The following DERA variants were observed in gnomAD, a reference collection of about 807,000 sequenced individuals.
DERA encodes the protein 2-deoxy-D-ribose 5-phosphate aldolase.
DERA carries 15 observed loss-of-function variants against 41.1 expected under a neutral mutation model. That is an observed-to-expected ratio of 0.37 (90% CI 0.24 to 0.56). The LOEUF is 0.56. Among genes scored for constraint, DERA ranks in the 20% least tolerant of loss-of-function variants. The pLI is 0.81. For missense variants in DERA, 396 were observed against 403.4 expected (o/e 0.98, Z 0.16); for synonymous variants, 139 against 137.4 (o/e 1.01, Z -0.08).
chr12:15,932,552 G>A (rs1441884118), intron 1 of DERA, among the ~76,000 whole-genome samples: 2 of 151,976 alleles, frequency 1.3e-5, no homozygotes, highest in African/African-American at 2.4e-5. Context: ...TGAGGTGGGA[G>A]GATTGCTTGA....
In DERA at chr12:16,001,809, A is replaced by G. The variant is rs1354824865; in HGVS notation, c.637+19373A>G. Among the ~76,000 whole-genome samples, 4 of 152,218 alleles carry G rather than the reference A, an allele frequency of 2.6e-5. No individual in the cohort carries two copies. The highest frequency in any genetic ancestry group is 5.9e-5 in the Non-Finnish European group (4 of 68,044). Reference sequence around the variant, plus strand: ...TCCCTGAGTCAGAAGTGGCAGGCACACTAGACGAAGCAGCATTTTGCTGGA... The same window carrying G: ...TCCCTGAGTCAGAAGTGGCAGGCACGCTAGACGAAGCAGCATTTTGCTGGA... On this transcript the variant is annotated intron_variant, in intron 6 of 8. Coordinates refer to ENST00000428559, the MANE Select transcript of DERA (RefSeq NM_015954.4). This position sits in a 1 kb window ranked among gnomAD's most constrained non-coding sequence, Gnocchi z 4.1.
intron 5 of DERA, among the ~76,000 whole-genome samples, chr12:15,973,428 A>ATAAAAGCCTACCAAATTATTATTTTTC (rs1948677122): frequency 6.6e-6 from 1 of 151,670 alleles, no homozygotes; most frequent in South Asian, 2.1e-4. Flanking sequence ...GGCATCTTTG[A>ATAAAAGCCTACCAAATTATTATTTTTC]TAATATATGG....
In DERA at chr12:15,957,135, A is replaced by G; in HGVS notation, c.129+102A>G. 1 of 839,892 alleles carries G rather than the reference A, an allele frequency of 1.2e-6. No individual in the cohort carries two copies. The highest frequency in any genetic ancestry group is 2.6e-5 in the East Asian group (1 of 37,736). 52.0% of individuals were successfully genotyped at this position (839,892 alleles called of 1,614,324 possible). A position where few individuals can be genotyped will look rare whatever the true frequency, so the allele number is the denominator to read the frequency against. On this transcript the variant is annotated intron_variant, in intron 2 of 8. Coordinates refer to ENST00000428559, the MANE Select transcript of DERA (RefSeq NM_015954.4). The surrounding 1 kb of genome is among the most constrained non-coding windows in gnomAD (Gnocchi z 4.8). ...TTTCACTCAAGATGCATCTAAACTT[A>G]AAAGATTGCAGCTGTCCATGACTTA...
Position 15,959,913 on chromosome 12 carries a change from C to T in DERA, c.362C>T (p.Pro121Leu). 6.5e-7 allele frequency: 1 copy of T among 1,545,532 alleles called. No homozygotes were observed. The highest frequency in any genetic ancestry group is 8.8e-7 in the Non-Finnish European group (1 of 1,142,102). ...CTCAAGGCTGCAGGCTGTAATATCC[C>T]TGTGGCATCAGGTAAAATGTGTTGT... ...KALKAAGCNI[P>L]VASVAAGFPA... The change falls in exon 4 of 9, where the codon CCT (proline) becomes CTT (leucine). Residue 121 changes from proline to leucine, a missense_variant. Pro to Leu is a moderately conservative substitution (Grantham distance 98). Coordinates refer to ENST00000428559, the MANE Select transcript of DERA (RefSeq NM_015954.4). The surrounding 1 kb of genome is among the most constrained non-coding windows in gnomAD (Gnocchi z 4.5).
At position 15,988,996 on chromosome 12, in the gene DERA, G is replaced by A. The variant is rs529054876; in HGVS notation, c.637+6560G>A. ...CCAGGCTCAGCCACAGCTTTGCTCC[G>A]CAGTGGAGAAGGCTCCAGGAGTAGG... On this transcript the variant is annotated intron_variant, in intron 6 of 8. Coordinates refer to ENST00000428559, the MANE Select transcript of DERA (RefSeq NM_015954.4). This position sits in a 1 kb window ranked among gnomAD's most constrained non-coding sequence, Gnocchi z 6.0. Among the ~76,000 whole-genome samples the A allele has an allele frequency of 1.3e-5, 2 of 152,244 alleles. No individual in the cohort carries two copies. The highest frequency in any genetic ancestry group is 2.4e-5 in the African/African-American group (1 of 41,462).
At chr12:16,033,623 G>GTGTGTT (rs745653737) in intron 7 of DERA, among the ~76,000 whole-genome samples, 2 of 149,284 alleles carry the variant, frequency 1.3e-5, no homozygotes, top group Non-Finnish European at 3.0e-5. Flanking sequence ...GTGTGTGTGT[G>GTGTGTT]TTTAATGACA....
intron 1 of DERA, among the ~76,000 whole-genome samples, chr12:15,944,477 C>G (rs978534397): frequency 3.9e-5 from 6 of 152,100 alleles, no homozygotes; most frequent in African/African-American, 1.4e-4. Context: ...CTCTGATGGC[C>G]AGTGATGATG....
In DERA at chr12:15,989,233, C is replaced by G. The variant is rs940495845; in HGVS notation, c.637+6797C>G. The stretch of plus-strand genomic sequence containing the variant: ...CACCAGCTCCACGGAGTGTGCAGCC[C>G]TAGCCACGCCTCCCCCGCTGCAACT... On this transcript the variant is annotated intron_variant, in intron 6 of 8. Transcript: ENST00000428559. This position sits in a 1 kb window ranked among gnomAD's most constrained non-coding sequence, Gnocchi z 5.2. Among the ~76,000 whole-genome samples the G allele has an allele frequency of 1.3e-5, 2 of 152,230 alleles. No individual in the cohort carries two copies. The highest frequency in any genetic ancestry group is 4.8e-5 in the African/African-American group (2 of 41,458).
rs1411904321 is a variant in DERA, at chr12:16,000,069, A to C, written c.637+17633A>C. Among the ~76,000 whole-genome samples the C allele has an allele frequency of 3.3e-5, 5 of 152,174 alleles. No individual in the cohort carries two copies. Among genetic ancestry groups the C allele is most frequent in the African/African-American group, 1.2e-4 (5 of 41,450 alleles). Reference sequence around the variant, plus strand: ...ATGCCTGTGGGACATATCGGGGGGCAAATTTGATTGTGCTTGGTGAGTGAT... The same window carrying C: ...ATGCCTGTGGGACATATCGGGGGGCCAATTTGATTGTGCTTGGTGAGTGAT... On this transcript the variant is annotated intron_variant, in intron 6 of 8. Coordinates refer to ENST00000428559, the MANE Select transcript of DERA (RefSeq NM_015954.4). The surrounding 1 kb of genome is among the most constrained non-coding windows in gnomAD (Gnocchi z 4.8).
Position 15,922,782 on chromosome 12 carries a change from T to G in DERA, c.31+11368T>G, listed in dbSNP as rs1384837508. On this transcript the variant is annotated intron_variant, in intron 1 of 8. Coordinates refer to ENST00000428559, the MANE Select transcript of DERA (RefSeq NM_015954.4). This position sits in a 1 kb window ranked among gnomAD's most constrained non-coding sequence, Gnocchi z 4.9. ...CTGATAGCATCTAGCTGTGGAACCTTGCGGGGTGGGGAGGGGCTTCAGTAC... is the reference window on the plus strand; with the variant it reads ...CTGATAGCATCTAGCTGTGGAACCTGGCGGGGTGGGGAGGGGCTTCAGTAC... Among the ~76,000 whole-genome samples, 2 of 152,082 alleles carry G rather than the reference T, an allele frequency of 1.3e-5. No individual in the cohort carries two copies. Among genetic ancestry groups the G allele is most frequent in the African/African-American group, 4.8e-5 (2 of 41,392 alleles).
At position 15,911,491 on chromosome 12, in the gene DERA, G is replaced by A. The variant is rs1948163275; in HGVS notation, c.31+77G>A. 7.5e-7 allele frequency: 1 copy of A among 1,327,400 alleles called. No homozygotes were observed. The highest frequency in any genetic ancestry group is 9.9e-7 in the Non-Finnish European group (1 of 1,006,684). 82.2% of individuals were successfully genotyped at this position (1,327,400 alleles called of 1,614,324 possible). On this transcript the variant is annotated intron_variant, in intron 1 of 8. Coordinates refer to ENST00000428559, the MANE Select transcript of DERA (RefSeq NM_015954.4). The surrounding 1 kb of genome is among the most constrained non-coding windows in gnomAD (Gnocchi z 4.5). ...CGGGACTAGCGCGGGGCCTGCTGCC[G>A]CCCAGTGCCCTGGCTGTGGGTCCCC... is the stretch of plus-strand genomic sequence containing the variant.
Position 15,959,728 on chromosome 12 carries a change from C to G in DERA, c.278-101C>G. On this transcript the variant is annotated intron_variant, in intron 3 of 8. Coordinates refer to ENST00000428559, the MANE Select transcript of DERA (RefSeq NM_015954.4). This position sits in a 1 kb window ranked among gnomAD's most constrained non-coding sequence, Gnocchi z 4.5. ...TATTGTGGGGGAATTATTTTTTTCT[C>G]ATTTGATTTTTGCCAGTGTTGCGAT... 1.5e-6 allele frequency: 1 copy of G among 689,504 alleles called. No individual in the cohort carries two copies. The highest frequency in any genetic ancestry group is 2.4e-5 in the South Asian group (1 of 42,088). 42.7% of individuals were successfully genotyped at this position (689,504 alleles called of 1,614,324 possible).
At chr12:15,926,393 A>G (rs997942729) in intron 1 of DERA, among the ~76,000 whole-genome samples, 4 of 152,138 alleles carry the variant, frequency 2.6e-5, no homozygotes, top group African/African-American at 9.7e-5. Flanking sequence ...TTCGTCTATC[A>G]TAGCAATTTC....
At position 15,989,608 on chromosome 12, in the gene DERA, G is replaced by A. The variant is rs928427764; in HGVS notation, c.637+7172G>A. On this transcript the variant is annotated intron_variant, in intron 6 of 8. Transcript: ENST00000428559. This position sits in a 1 kb window ranked among gnomAD's most constrained non-coding sequence, Gnocchi z 5.2. Reference sequence around the variant, plus strand: ...TTATTGTTATTTATAGCAGGAGGGCGAGTCTGGTGACATTCTGTTATGTCT... The same window carrying A: ...TTATTGTTATTTATAGCAGGAGGGCAAGTCTGGTGACATTCTGTTATGTCT... Among the ~76,000 whole-genome samples the A allele has an allele frequency of 3.3e-5, 5 of 152,176 alleles. No homozygotes were observed. The highest frequency in any genetic ancestry group is 7.2e-5 in the African/African-American group (3 of 41,456).
At chr12:16,032,351 T>A (rs987895111) in intron 6 of DERA, among the ~76,000 whole-genome samples, 191 bp from the exon 7 acceptor site, 10 of 152,096 alleles carry the variant, frequency 6.6e-5, no homozygotes, top group African/African-American at 2.2e-4. Context: ...AATACAGTGA[T>A]GGTAAGGGGG....
At chr12:15,974,852 G>C (rs1332353220) in intron 5 of DERA, among the ~76,000 whole-genome samples, 1 of 152,122 alleles carries the variant, frequency 6.6e-6, no homozygotes, top group Non-Finnish European at 1.5e-5. Context: ...ACCCTACAAA[G>C]CCAGATGTGG....
chr12:16,001,521 G>A lies in DERA; in HGVS notation c.637+19085G>A, dbSNP rs982756533. Among the ~76,000 whole-genome samples the A allele has an allele frequency of 1.3e-5, 2 of 152,162 alleles. No individual in the cohort carries two copies. The highest frequency in any genetic ancestry group is 2.4e-5 in the African/African-American group (1 of 41,444). On this transcript the variant is annotated intron_variant, in intron 6 of 8. Coordinates refer to ENST00000428559, the MANE Select transcript of DERA (RefSeq NM_015954.4). This position sits in a 1 kb window ranked among gnomAD's most constrained non-coding sequence, Gnocchi z 4.1. ...AACAAAGAGAGAGTAATACAGACTT[G>A]TGGAGTCATGGTCTTAGGTCTGTGT...
rs1320504680 is a variant in DERA at position 15,981,306 on chromosome 12, C to T, written c.509-1002C>T. ...GAGGTTGCAGTGAGCTGAGATCACG[C>T]CACTGCACTCCAGCCTGGGTGACAG... On this transcript the variant is annotated intron_variant, in intron 5 of 8. Coordinates refer to ENST00000428559, the MANE Select transcript of DERA (RefSeq NM_015954.4). This position sits in a 1 kb window ranked among gnomAD's most constrained non-coding sequence, Gnocchi z 6.1. Among the ~76,000 whole-genome samples, 2 of 152,126 alleles carry T rather than the reference C, an allele frequency of 1.3e-5. No individual in the cohort carries two copies. Among genetic ancestry groups the T allele is most frequent in the Non-Finnish European group, 2.9e-5 (2 of 68,010 alleles).
intron 6 of DERA, among the ~76,000 whole-genome samples, chr12:16,028,053 A>C (rs1210918845): frequency 2.6e-5 from 4 of 152,234 alleles, no homozygotes; most frequent in African/African-American, 7.2e-5. Flanking sequence ...TTCCCTGCTC[A>C]GTCAGCTAGG....
Sources: allele counts gnomAD v4.1 joint callset (sites outside exome capture counted in the v4.1 genomes callset), GRCh38; gene constraint gnomAD v4.1.1; non-coding constraint Gnocchi (gnomAD v3.1); transcripts MANE v1.5; gene names NCBI Gene and HGNC (gene_info 2026-07-23, HGNC 2026-07-21).